The following WDR27 variants were observed in gnomAD, a reference collection of about 807,000 sequenced individuals.
WDR27 encodes the protein WD repeat domain 27.
Under a neutral mutation model 114.4 loss-of-function variants are expected in WDR27, and 100 were observed. That is an observed-to-expected ratio of 0.87 (90% CI 0.74 to 1.03). The LOEUF (loss-of-function observed/expected upper bound fraction) is 1.03, where lower values mean the gene tolerates loss of function less well. Among genes scored for constraint, WDR27 ranks in the 50% least tolerant of loss-of-function variants. The pLI, the probability that WDR27 is intolerant of heterozygous loss-of-function variation, is 0.00. For synonymous variants in WDR27, 449 were observed against 423.1 expected, an observed-to-expected ratio of 1.06 and a Z score of -0.75; for missense variants, 1,129 against 1,092.9, an observed-to-expected ratio of 1.03 and a Z score of -0.47.
At position 169,636,267 on chromosome 6, in the gene WDR27, T is replaced by C; in HGVS notation, c.2003+104A>G. Reference sequence around the variant, plus strand: ...AGAGTTTGGTGATATGAGGTCATTATTAAATTTGGGGCAACATTTTAAAAT... The same window carrying C: ...AGAGTTTGGTGATATGAGGTCATTACTAAATTTGGGGCAACATTTTAAAAT... On this transcript the variant is annotated intron_variant, in intron 19 of 25. Transcript: ENST00000448612. 2.9e-6 allele frequency: 4 copies of C among 1,381,128 alleles called. No homozygotes were observed. The South Asian group carries it at 5.6e-5, about 19-fold the overall frequency. 85.6% of individuals were successfully genotyped at this position (1,381,128 alleles called of 1,614,324 possible).
chr6:169,624,416 C>T (rs1232939951), intron 21 of WDR27, among the ~76,000 whole-genome samples: 5 of 152,118 alleles, frequency 3.3e-5, no homozygotes, highest in Non-Finnish European at 2.9e-5. Context: ...GAGTGCAGCC[C>T]CTCATGCGTC....
At chr6:169,644,190 A>C (rs916850315) in intron 16 of WDR27, among the ~76,000 whole-genome samples, 6 of 125,612 alleles carry the variant, frequency 4.8e-5, no homozygotes, top group African/African-American at 1.9e-4. Context: ...GTCACACTGT[A>C]GAAAAGCCTA....
chr6:169,638,038 C>T lies in WDR27; in HGVS notation c.1869+501G>A, dbSNP rs1054307777. ...ACACACATTTAAGAAACTAATTGGC[C>T]GGGCGCGGTGGCTCACGCCTGTAAT... On this transcript the variant is annotated intron_variant, in intron 18 of 25. Transcript: ENST00000448612. Among the ~76,000 whole-genome samples, 15 of 79,714 alleles carry T rather than the reference C, an allele frequency of 1.9e-4. 2 individuals are homozygous for T. Among genetic ancestry groups the T allele is most frequent in the Non-Finnish European group, 2.7e-4 (11 of 41,078 alleles). 52.3% of individuals were successfully genotyped at this position (79,714 alleles called of 152,430 possible).
chr6:169,626,850 C>T (rs938208628), intron 21 of WDR27, among the ~76,000 whole-genome samples: 38 of 152,214 alleles, frequency 2.5e-4, no homozygotes, highest in African/African-American at 7.5e-4. Flanking sequence ...AGAAGTCTCC[C>T]GGCGGACTGG....
intron 10 of WDR27, 114 bp downstream of exon 10, chr6:169,660,549 C>A: frequency 2.4e-6 from 2 of 836,800 alleles, no homozygotes; most frequent in Non-Finnish European, 2.0e-6. Flanking sequence ...GTGACTGAAG[C>A]ATCTCATCCT....
chr6:169,650,795 T>C (rs958301262), intron 14 of WDR27, among the ~76,000 whole-genome samples: 1 of 147,424 alleles, frequency 6.8e-6, no homozygotes, highest in African/African-American at 2.5e-5. Flanking sequence ...TCTCCATCCC[T>C]CCACCCCACC....
Position 169,697,955 on chromosome 6 carries a change from T to C in WDR27, c.-8+3596A>G, listed in dbSNP as rs376223919. ...TCCCCGCGCACGGGGAGAGACCCACTGACCCTGCGGGCTGGTCCCTACAGG... is the reference window on the plus strand; with the variant it reads ...TCCCCGCGCACGGGGAGAGACCCACCGACCCTGCGGGCTGGTCCCTACAGG... On this transcript the variant is annotated intron_variant, in intron 1 of 25. Transcript: ENST00000448612. Among the ~76,000 whole-genome samples, 62 of 152,314 alleles carry C rather than the reference T, an allele frequency of 4.1e-4. 1 individual carries two copies. The East Asian group carries it at 0.01, about 25-fold the overall frequency.
At chr6:169,692,398 G>C (rs2128306119) in intron 1 of WDR27, among the ~76,000 whole-genome samples, 1 of 152,218 alleles carries the variant, frequency 6.6e-6, no homozygotes, top group Middle Eastern at 3.4e-3. Context: ...AAAGGGAAGT[G>C]CTACAGATAT....
chr6:169,460,355 G>C (rs1328591153), intron 25 of WDR27, among the ~76,000 whole-genome samples: 1 of 152,092 alleles, frequency 6.6e-6, no homozygotes, highest in African/African-American at 2.4e-5. Flanking sequence ...AAATTCACTG[G>C]TATAAATTCA....
intron 25 of WDR27, among the ~76,000 whole-genome samples, chr6:169,570,459 T>C (rs1387304166): frequency 6.6e-6 from 1 of 152,216 alleles, no homozygotes; most frequent in African/African-American, 2.4e-5. Flanking sequence ...CTCCCAGGAA[T>C]ACTTGCAGTA....
chr6:169,518,343 G>A (rs1793937300), intron 25 of WDR27, among the ~76,000 whole-genome samples: 1 of 152,254 alleles, frequency 6.6e-6, no homozygotes, highest in Admixed American at 6.5e-5. Flanking sequence ...CCTGCAGCAG[G>A]CTTCTGCCTG....
intron 21 of WDR27, 40 bp downstream of exon 21, chr6:169,632,907 A>G: frequency 6.4e-7 from 1 of 1,551,844 alleles, no homozygotes; most frequent in Non-Finnish European, 8.8e-7. Context: ...TTAAGCACAT[A>G]GTTTTACAGA....
chr6:169,671,192 C>T (rs1778651119), intron 3 of WDR27: 1 of 155,166 alleles, frequency 6.4e-6, no homozygotes, highest in Admixed American at 6.4e-5. Context: ...CAGAGCCCGT[C>T]ATGCAAATCC....
intron 25 of WDR27, among the ~76,000 whole-genome samples, chr6:169,563,456 G>A (rs1440093601): frequency 1.3e-5 from 2 of 152,150 alleles, no homozygotes; most frequent in Non-Finnish European, 2.9e-5. Context: ...CCAAACATGT[G>A]CCTGAACTAA....
chr6:169,654,662 G>A (rs752603234), intron 13 of WDR27, among the ~76,000 whole-genome samples: 1 of 152,170 alleles, frequency 6.6e-6, no homozygotes, highest in Non-Finnish European at 1.5e-5. Flanking sequence ...GCTGCAAAGC[G>A]AAAGCACACG....
intron 21 of WDR27, among the ~76,000 whole-genome samples, chr6:169,625,015 T>G (rs1053785769): frequency 3.3e-5 from 5 of 152,234 alleles, no homozygotes; most frequent in African/African-American, 4.8e-5. Context: ...ACTCCTGTTC[T>G]AGGCTTCACT....
At chr6:169,686,083 T>A (rs1224512210) in intron 2 of WDR27, among the ~76,000 whole-genome samples, 1 of 152,196 alleles carries the variant, frequency 6.6e-6, no homozygotes, top group Non-Finnish European at 1.5e-5. Context: ...CAGCCAAGAA[T>A]ATTATACCCA....
At chr6:169,437,292 G>C in the WDR27 span, among the ~76,000 whole-genome samples, 1 of 151,946 alleles carries the variant, frequency 6.6e-6, no homozygotes, top group African/African-American at 2.4e-5. Flanking sequence ...TTGGTGTCAG[G>C]GGTGCACTGA....
chr6:169,675,177 G>A (rs998322976), intron 2 of WDR27, among the ~76,000 whole-genome samples: 3 of 152,140 alleles, frequency 2.0e-5, no homozygotes, highest in East Asian at 1.9e-4. Context: ...CAGTGTTGGC[G>A]GTAGGGCCTG....
Sources: allele counts gnomAD v4.1 joint callset (sites outside exome capture counted in the v4.1 genomes callset), GRCh38; gene constraint gnomAD v4.1.1; transcripts MANE v1.5; gene names NCBI Gene and HGNC (gene_info 2026-07-23, HGNC 2026-07-21).